The following SPIDR variants were observed in gnomAD, a reference collection of about 807,000 sequenced individuals.
SPIDR encodes scaffold protein involved in DNA repair, also known as DNA repair-scaffolding protein.
A neutral mutation model predicts 104.6 loss-of-function variants in SPIDR; 93 were observed. That is an observed-to-expected ratio of 0.89 (90% CI 0.75 to 1.06). The LOEUF (loss-of-function observed/expected upper bound fraction) is 1.06. Among genes scored for constraint, SPIDR ranks in the 50% least tolerant of loss-of-function variants. SPIDR has a pLI of 0.00. For synonymous variants in SPIDR, 431 were observed against 416.9 expected (o/e 1.03, Z -0.41); for missense variants, 1,154 against 1,111.2 (o/e 1.04, Z -0.55).
chr8:47,538,546 A>G (rs1396123966), intron 8 of SPIDR, among the ~76,000 whole-genome samples: 2 of 152,110 alleles, frequency 1.3e-5, no homozygotes, highest in Non-Finnish European at 2.9e-5. Flanking sequence ...TCTGCCTCAA[A>G]AAAAAGAACA....
chr8:47,496,628 A>G (rs2079484712), intron 8 of SPIDR, among the ~76,000 whole-genome samples: 1 of 151,656 alleles, frequency 6.6e-6, no homozygotes, highest in Non-Finnish European at 1.5e-5. Context: ...ATATATACTC[A>G]TAAGAGATAT....
chr8:47,371,447 A>G (rs1212973804), intron 5 of SPIDR, among the ~76,000 whole-genome samples: 1 of 152,130 alleles, frequency 6.6e-6, no homozygotes, highest in African/African-American at 2.4e-5. Flanking sequence ...AGGGGCTGGA[A>G]GTCAGAGCTC....
intron 10 of SPIDR, among the ~76,000 whole-genome samples, chr8:47,627,652 G>T (rs1011471234): frequency 1.3e-5 from 2 of 152,036 alleles, no homozygotes; most frequent in Non-Finnish European, 2.9e-5. Context: ...GGGAAATTTG[G>T]CTTTGTGCAC....
At chr8:47,394,088 G>A (rs2060963737) in intron 5 of SPIDR, among the ~76,000 whole-genome samples, 1 of 152,088 alleles carries the variant, frequency 6.6e-6, no homozygotes, top group Admixed American at 6.6e-5. Context: ...TGTATTTTTA[G>A]TAGAGACAGA....
chr8:47,320,183 A>G (rs1054194211), intron 5 of SPIDR, among the ~76,000 whole-genome samples: 3 of 152,200 alleles, frequency 2.0e-5, no homozygotes, highest in Non-Finnish European at 4.4e-5. Context: ...AAGATCAACA[A>G]ACTTGATAGG....
At chr8:47,272,423 A>G (rs1378464537) in intron 1 of SPIDR, among the ~76,000 whole-genome samples, 1 of 152,192 alleles carries the variant, frequency 6.6e-6, no homozygotes, top group Non-Finnish European at 1.5e-5. Flanking sequence ...TGAATTTAAT[A>G]AAGTTTGTGT....
chr8:47,397,837 A>G (rs1554659522), intron 6 of SPIDR, among the ~76,000 whole-genome samples: 1 of 152,136 alleles, frequency 6.6e-6, no homozygotes, highest in Non-Finnish European at 1.5e-5. Flanking sequence ...GCCTCTAGAG[A>G]GGGTGCAGGG....
chr8:47,465,549 A>G (rs1391163379), intron 8 of SPIDR, among the ~76,000 whole-genome samples: 1 of 152,184 alleles, frequency 6.6e-6, no homozygotes, highest in Non-Finnish European at 1.5e-5. Flanking sequence ...CCTGGCCAAC[A>G]TGGTGAAACC....
chr8:47,696,059 AT>A (rs2079289555), intron 11 of SPIDR, among the ~76,000 whole-genome samples: 2 of 152,278 alleles, frequency 1.3e-5, no homozygotes, highest in East Asian at 3.9e-4. Flanking sequence ...CTTTTTAGGA[AT>A]TCAGGAAATG....
intron 8 of SPIDR, among the ~76,000 whole-genome samples, chr8:47,488,839 A>T (rs1261639820): frequency 6.6e-6 from 1 of 152,214 alleles, no homozygotes; most frequent in Non-Finnish European, 1.5e-5. Flanking sequence ...TTAGGTATTG[A>T]TGGGACGTAT....
At chr8:47,595,226 A>G (rs2061510052) in intron 8 of SPIDR, among the ~76,000 whole-genome samples, 1 of 152,214 alleles carries the variant, frequency 6.6e-6, no homozygotes, top group South Asian at 2.1e-4. Flanking sequence ...AATTTTTAAT[A>G]TTAAGCAGCG....
rs148931658 is a variant in SPIDR at position 47,445,176 on chromosome 8, T to G, written c.1097+4634T>G. 6.0e-4 allele frequency among the ~76,000 whole-genome samples: 92 copies of G among 152,332 alleles called. 2 individuals are homozygous for G. The East Asian group carries it at 0.017, about 28-fold the overall frequency. On this transcript the variant is annotated intron_variant, in intron 8 of 19. Coordinates refer to ENST00000297423, the MANE Select transcript of SPIDR (RefSeq NM_001080394.4). Reference sequence around the variant, plus strand: ...GTTGCACTTTTTACAAATTGAAGGTTTGTCAACCCTGAATCCAACAAGTCT... The same window carrying G: ...GTTGCACTTTTTACAAATTGAAGGTGTGTCAACCCTGAATCCAACAAGTCT...
intron 8 of SPIDR, among the ~76,000 whole-genome samples, chr8:47,539,537 G>A (rs1292218926): frequency 2.0e-5 from 3 of 152,232 alleles, no homozygotes; most frequent in Non-Finnish European, 1.5e-5. Context: ...TAAAGAGATT[G>A]AACACTTTTT....
At chr8:47,523,961 A>G (rs527817182) in intron 8 of SPIDR, among the ~76,000 whole-genome samples, 1 of 152,214 alleles carries the variant, frequency 6.6e-6, no homozygotes, top group African/African-American at 2.4e-5. Flanking sequence ...ATGAAAAAAC[A>G]CAATGACAGA....
intron 5 of SPIDR, among the ~76,000 whole-genome samples, chr8:47,302,940 G>T (rs186504016): frequency 6.6e-6 from 1 of 152,322 alleles, no homozygotes; most frequent in Non-Finnish European, 1.5e-5. Flanking sequence ...ATCTCCAGCT[G>T]CATGCTGGGA....
chr8:47,726,162 T>G (rs1328987559), intron 16 of SPIDR, among the ~76,000 whole-genome samples: 1 of 152,256 alleles, frequency 6.6e-6, no homozygotes, highest in Admixed American at 6.5e-5. Flanking sequence ...TTTGACCCAC[T>G]TTGACAATGT....
intron 8 of SPIDR, among the ~76,000 whole-genome samples, chr8:47,558,001 A>G (rs1289278572): frequency 6.6e-6 from 1 of 152,238 alleles, no homozygotes; most frequent in Admixed American, 6.5e-5. Flanking sequence ...TGGCCTTTGC[A>G]GGAACATGGA....
rs547123961 is a variant in SPIDR, at chr8:47,549,016, G to A, written c.1098-46795G>A. ...TTCCCACCTATAAGTGAGAACATGCGGTGTTTGGTTTTCTGTCCTTGTGAT... is the reference window on the plus strand; with the variant it reads ...TTCCCACCTATAAGTGAGAACATGCAGTGTTTGGTTTTCTGTCCTTGTGAT... On this transcript the variant is annotated intron_variant, in intron 8 of 19. Coordinates refer to ENST00000297423, the MANE Select transcript of SPIDR (RefSeq NM_001080394.4). 1.5e-3 allele frequency among the ~76,000 whole-genome samples: 226 copies of A among 152,210 alleles called. 1 individual carries two copies. The highest frequency in any genetic ancestry group is 2.5e-3 in the Non-Finnish European group (169 of 68,002).
At chr8:47,596,154 A>G in intron 9 of SPIDR, 148 bp downstream of exon 9, 3 of 647,370 alleles carry the variant, frequency 4.6e-6, no homozygotes, top group Admixed American at 3.1e-5. Flanking sequence ...ACTTACTGTT[A>G]CGCCTGAATA....
Sources: gnomAD v4.1 joint callset for allele counts (sites outside exome capture counted in the v4.1 genomes callset) on GRCh38, gnomAD v4.1.1 for gene constraint, MANE v1.5 for transcripts, NCBI Gene and HGNC (gene_info 2026-07-23, HGNC 2026-07-21) for gene names.